TRIM56: variants seen among roughly 807,000 people sequenced by gnomAD.
TRIM56 encodes tripartite motif containing 56, also known as E3 ubiquitin-protein ligase TRIM56.
A neutral mutation model predicts 17.1 loss-of-function variants in TRIM56; 10 were observed. The observed-to-expected ratio is 0.58, with a 90% CI of 0.36 to 0.99. The LOEUF (loss-of-function observed/expected upper bound fraction) is 0.99. Ranked by LOEUF, TRIM56 falls within the 50% of genes least tolerant of loss-of-function variation. TRIM56 has a pLI of 0.01. For synonymous variants in TRIM56, 503 were observed against 473.5 expected, an observed-to-expected ratio of 1.06 and a Z score of -0.81; for missense variants, 923 against 1,052.3, an observed-to-expected ratio of 0.88 and a Z score of 1.70.
chr7:101,097,753 C>A lies in TRIM56; in HGVS notation c.*8173C>A, dbSNP rs1001841912. 5 of 152,202 alleles carry A rather than the reference C, an allele frequency of 3.3e-5. No individual in the cohort carries two copies. The highest frequency in any genetic ancestry group is 1.2e-4 in the African/African-American group (5 of 41,436). 9.4% of individuals were successfully genotyped at this position (152,202 alleles called of 1,614,324 possible). On this transcript the variant is annotated 3_prime_UTR_variant, in exon 3 of 3. Transcript: ENST00000306085. ...GGTCAAAGACGAGGAATCAGGACGT[C>A]GGTGCCTAGTGACTGAGCGCCAGCC...
In TRIM56 at chr7:101,094,562, A is replaced by C. The variant is rs1795628286; in HGVS notation, c.*4982A>C. On this transcript the variant is annotated 3_prime_UTR_variant, in exon 3 of 3. Coordinates refer to ENST00000306085, the MANE Select transcript of TRIM56 (RefSeq NM_030961.3). ...GAATGAGATTGTCCTATGAAAGAAG[A>C]GGCAGGAGCCAGGGAGGAGGATCCC... 6.6e-6 allele frequency: 1 copy of C among 152,168 alleles called. No homozygotes were observed. The highest frequency in any genetic ancestry group is 1.5e-5 in the Non-Finnish European group (1 of 68,036). 9.4% of individuals were successfully genotyped at this position (152,168 alleles called of 1,614,324 possible).
rs1217801491 is a variant in TRIM56 at position 101,097,635 on chromosome 7, G to A, written c.*8055G>A. On this transcript the variant is annotated 3_prime_UTR_variant, in exon 3 of 3. Coordinates refer to ENST00000306085, the MANE Select transcript of TRIM56 (RefSeq NM_030961.3). Reference sequence around the variant, plus strand: ...AGGGACCAGATGGAAGAGGGCCTGTGTATAAAGACATTAGGAAGGAGGTTT... The same window carrying A: ...AGGGACCAGATGGAAGAGGGCCTGTATATAAAGACATTAGGAAGGAGGTTT... 1.5e-5 allele frequency: 2 copies of A among 137,896 alleles called. No homozygotes were observed. Among genetic ancestry groups the A allele is most frequent in the East Asian group, 4.1e-4 (2 of 4,844 alleles). 8.5% of individuals were successfully genotyped at this position (137,896 alleles called of 1,614,324 possible). A position where few individuals can be genotyped will look rare whatever the true frequency, so the allele number is the denominator to read the frequency against.
At position 101,088,713 on chromosome 7, in the gene TRIM56, C is replaced by T. The variant is rs762056135; in HGVS notation, c.1401C>T (p.Leu467=). 2.0e-5 allele frequency: 32 copies of T among 1,613,920 alleles called. No homozygotes were observed. The highest frequency in any genetic ancestry group is 2.5e-5 in the Non-Finnish European group (30 of 1,179,980). The stretch of plus-strand genomic sequence containing the variant: ...AGAAGAAAAAGTTCAAAGGCAGGCT[C>T]AAGTCAATTTCCCGGGAGCCCAGCC... The part of the protein sequence containing the change: ...PNKKKKFKGR[L]KSISREPSPA... The change falls in exon 3 of 3, where the codon CTC becomes CTT. Residue 467 remains leucine (L), a synonymous_variant. Coordinates refer to ENST00000306085, the MANE Select transcript of TRIM56 (RefSeq NM_030961.3).
intron 2 of TRIM56, 69 bp from the exon 3 acceptor site, chr7:101,087,243 C>A: frequency 2.1e-6 from 3 of 1,418,274 alleles, no homozygotes; most frequent in South Asian, 2.6e-5. Context: ...TGAGGACGGG[C>A]GGTAGAAGCT....
In TRIM56 at chr7:101,088,470, C is replaced by G. The variant is rs771631027; in HGVS notation, c.1158C>G (p.Thr386=). The G allele has an allele frequency of 1.2e-6, 2 of 1,613,630 alleles. No individual in the cohort carries two copies. The highest frequency in any genetic ancestry group is 2.7e-5 in the African/African-American group (2 of 74,876). Residue 386 remains threonine (T), a synonymous_variant, in exon 3 of 3, where the codon ACC becomes ACG. Transcript: ENST00000306085. ...QKDGGKDGAG[T]QGGEESQSRR... ...ATGGTGGGAAAGACGGAGCTGGTAC[C>G]CAGGGAGGTGAGGAGAGCCAGAGCC...
chr7:101,089,787 AG>A lies in TRIM56; in HGVS notation c.*209del, dbSNP rs1795532364. On this transcript the variant is annotated 3_prime_UTR_variant, in exon 3 of 3. Coordinates refer to ENST00000306085, the MANE Select transcript of TRIM56 (RefSeq NM_030961.3). ...GCGTGACCTTAACTCTCAGAAGCAG[AG>A]GAGGCAGGTGGGTGGAGGGGGATGC... 1 of 521,180 alleles carries A rather than the reference AG, an allele frequency of 1.9e-6. No individual in the cohort carries two copies. The highest frequency in any genetic ancestry group is 3.5e-6 in the Non-Finnish European group (1 of 288,926). 32.3% of individuals were successfully genotyped at this position (521,180 alleles called of 1,614,324 possible).
Position 101,089,702 on chromosome 7 carries a change from C to G in TRIM56, c.*122C>G. 1.1e-6 allele frequency: 1 copy of G among 900,804 alleles called. No individual in the cohort carries two copies. Among genetic ancestry groups the G allele is most frequent in the East Asian group, 2.7e-5 (1 of 37,434 alleles). 55.8% of individuals were successfully genotyped at this position (900,804 alleles called of 1,614,324 possible). A position where few individuals can be genotyped will look rare whatever the true frequency, so the allele number is the denominator to read the frequency against. ...AGGGCAGGGGTTGGCAACTTTTCAA[C>G]ATGGAGTGCCAAACTGCTAACCCGT... On this transcript the variant is annotated 3_prime_UTR_variant, in exon 3 of 3. Transcript: ENST00000306085.
In TRIM56 at chr7:101,089,223, G is replaced by A; in HGVS notation, c.1911G>A (p.Leu637=). The A allele has an allele frequency of 3.1e-6, 5 of 1,613,780 alleles. No homozygotes were observed. Among genetic ancestry groups the A allele is most frequent in the Non-Finnish European group, 4.2e-6 (5 of 1,179,774 alleles). ...AGGCCAGCCGGGGCCTGCGGGCGCT[G>A]GTGTTTCTGACCACCAGCCCCCAGG... ...GGKASRGLRA[L]VFLTTSPQGH... The change falls in exon 3 of 3, where the codon CTG becomes CTA. Residue 637 remains leucine, a synonymous_variant. Transcript: ENST00000306085.
rs765700076 is a variant in TRIM56 at position 101,089,117 on chromosome 7, G to T, written c.1805G>T (p.Arg602Leu). 6.2e-7 allele frequency: 1 copy of T among 1,605,388 alleles called. No homozygotes were observed. The highest frequency in any genetic ancestry group is 8.5e-7 in the Non-Finnish European group (1 of 1,178,016). The change falls in exon 3 of 3, where the codon CGC becomes CTC. Residue 602 changes from arginine to leucine, a missense_variant. Transcript: ENST00000306085. ...HAVAALPSGDRVAVSVAGHVE... is the reference protein window; with the variant it reads ...HAVAALPSGDLVAVSVAGHVE... Reference sequence around the variant, plus strand: ...GTGGCGGCACTGCCTAGCGGGGACCGCGTGGCTGTCAGCGTGGCGGGCCAC... The same window carrying T: ...GTGGCGGCACTGCCTAGCGGGGACCTCGTGGCTGTCAGCGTGGCGGGCCAC...
Position 101,088,203 on chromosome 7 carries a change from C to T in TRIM56, c.891C>T (p.Gly297=), listed in dbSNP as rs945770789. ...AARERLAELE[G]REQVARAAAA... ...GGGAGAGGCTGGCGGAGCTTGAGGG[C>T]CGGGAGCAGGTGGCCAGGGCCGCAG... The change falls in exon 3 of 3, where the codon GGC becomes GGT. Residue 297 remains glycine, a synonymous_variant. Coordinates refer to ENST00000306085, the MANE Select transcript of TRIM56 (RefSeq NM_030961.3). 1 of 1,472,998 alleles carries T rather than the reference C, an allele frequency of 6.8e-7. No homozygotes were observed. Among genetic ancestry groups the T allele is most frequent in the African/African-American group, 1.4e-5 (1 of 71,142 alleles). 91.2% of individuals were successfully genotyped at this position (1,472,998 alleles called of 1,614,324 possible).
At position 101,091,857 on chromosome 7, in the gene TRIM56, G is replaced by T. The variant is rs1284398483; in HGVS notation, c.*2277G>T. On this transcript the variant is annotated 3_prime_UTR_variant, in exon 3 of 3. Coordinates refer to ENST00000306085, the MANE Select transcript of TRIM56 (RefSeq NM_030961.3). ...TGCCGAGCCGAAGCTGGACTGTACT[G>T]CTGCCATCTCGGCTCACTGCAACCT... 1 of 357,798 alleles carries T rather than the reference G, an allele frequency of 2.8e-6. No individual in the cohort carries two copies. The highest frequency in any genetic ancestry group is 8.7e-5 in the East Asian group (1 of 11,496). The allele number at this position is 357,798 out of a possible 1,614,324, so 22.2% of individuals were successfully genotyped here. A position where few individuals can be genotyped will look rare whatever the true frequency, so the allele number is the denominator to read the frequency against.
rs1050649955 is a variant in TRIM56 at position 101,097,192 on chromosome 7, C to G, written c.*7612C>G. On this transcript the variant is annotated 3_prime_UTR_variant, in exon 3 of 3. Coordinates refer to ENST00000306085, the MANE Select transcript of TRIM56 (RefSeq NM_030961.3). ...GATGAGGTTGCTGACCTGAGCTGGG[C>G]AGGGTTGAACAGGCGAGTGCCAAGA... The G allele has an allele frequency of 6.6e-6, 1 of 152,180 alleles. No individual in the cohort carries two copies. Among genetic ancestry groups the G allele is most frequent in the African/African-American group, 2.4e-5 (1 of 41,440 alleles). 9.4% of individuals were successfully genotyped at this position (152,180 alleles called of 1,614,324 possible).
rs1795475427 is a variant in TRIM56, at chr7:101,087,691, T to C, written c.379T>C (p.Leu127=). ...TARCLDCADD[L]CQACADGHRC... ...CCGGTGCCTGGACTGTGCCGATGAC[T>C]TGTGCCAGGCCTGTGCCGACGGGCA... The change falls in exon 3 of 3, where the codon TTG becomes CTG. Residue 127 remains leucine (L), a synonymous_variant. Transcript: ENST00000306085. 6.3e-7 allele frequency: 1 copy of C among 1,592,474 alleles called. No individual in the cohort carries two copies. The highest frequency in any genetic ancestry group is 8.5e-7 in the Non-Finnish European group (1 of 1,170,418).
Position 101,091,564 on chromosome 7 carries a change from T to C in TRIM56, c.*1984T>C. 5.8e-6 allele frequency: 2 copies of C among 343,288 alleles called. No individual in the cohort carries two copies. The highest frequency in any genetic ancestry group is 2.2e-5 in the South Asian group (1 of 45,976). The allele number at this position is 343,288 out of a possible 1,614,324, so 21.3% of individuals were successfully genotyped here. A position where few individuals can be genotyped will look rare whatever the true frequency, so the allele number is the denominator to read the frequency against. On this transcript the variant is annotated 3_prime_UTR_variant, in exon 3 of 3. Coordinates refer to ENST00000306085, the MANE Select transcript of TRIM56 (RefSeq NM_030961.3). ...CAACATGGAGAAACCCCATCTCTAC[T>C]AAAAATACAAAAATTAGCTAGGCGT... is the stretch of plus-strand genomic sequence containing the variant.
rs760838176 is a variant in TRIM56, at chr7:101,089,411, A to G, written c.2099A>G (p.Asn700Ser). Residue 700 changes from asparagine (N) to serine (S), a missense_variant, in exon 3 of 3, where the codon AAC (asparagine) becomes AGC (serine). Asn to Ser is a conservative substitution (Grantham distance 46). Around this residue, in one of 3 missense-constraint regions of TRIM56, gnomAD observed 182 missense variants for 243.1 expected, o/e 0.75. Coordinates refer to ENST00000306085, the MANE Select transcript of TRIM56 (RefSeq NM_030961.3). ...ATCTTTCTGACCCTTCGAGAAGTCA[A>G]CAAGGTGGTGATCCTGGACCCGAAG... ...GYIFLTLREV[N>S]KVVILDPKGS... The G allele has an allele frequency of 6.2e-7, 1 of 1,614,154 alleles. No homozygotes were observed. Among genetic ancestry groups the G allele is most frequent in the South Asian group, 1.1e-5 (1 of 91,084 alleles).
rs1431314106 is a variant in TRIM56 at position 101,093,506 on chromosome 7, G to C, written c.*3926G>C. The C allele has an allele frequency of 6.7e-6, 1 of 149,436 alleles. No individual in the cohort carries two copies. Among genetic ancestry groups the C allele is most frequent in the Non-Finnish European group, 1.5e-5 (1 of 67,574 alleles). 9.3% of individuals were successfully genotyped at this position (149,436 alleles called of 1,614,324 possible). A position where few individuals can be genotyped will look rare whatever the true frequency, so the allele number is the denominator to read the frequency against. On this transcript the variant is annotated 3_prime_UTR_variant, in exon 3 of 3. Coordinates refer to ENST00000306085, the MANE Select transcript of TRIM56 (RefSeq NM_030961.3). ...AGGAAATGTATGCAGGCAAGGACTAGTAAAATAAAAAATAATAATAATTAA... is the reference window on the plus strand; with the variant it reads ...AGGAAATGTATGCAGGCAAGGACTACTAAAATAAAAAATAATAATAATTAA...
Position 101,088,935 on chromosome 7 carries a change from G to A in TRIM56, c.1623G>A (p.Lys541=). The A allele has an allele frequency of 6.2e-7, 1 of 1,613,612 alleles. No homozygotes were observed. Among genetic ancestry groups the A allele is most frequent in the Non-Finnish European group, 8.5e-7 (1 of 1,180,020 alleles). Residue 541 remains lysine (K), a synonymous_variant, in exon 3 of 3, where the codon AAG becomes AAA. Transcript: ENST00000306085. Reference sequence around the variant, plus strand: ...GCTTCTCCCTCAACGGCGACTACAAGGGCACCGTGCCGGTCCCTGAGGGCT... The same window carrying A: ...GCTTCTCCCTCAACGGCGACTACAAAGGCACCGTGCCGGTCCCTGAGGGCT... The part of the protein sequence containing the change: ...LKRFSLNGDY[K]GTVPVPEGCS...
At position 101,097,112 on chromosome 7, in the gene TRIM56, A is replaced by G. The variant is rs1795663500; in HGVS notation, c.*7532A>G. The G allele has an allele frequency of 6.6e-6, 1 of 152,248 alleles. No homozygotes were observed. The highest frequency in any genetic ancestry group is 6.5e-5 in the Admixed American group (1 of 15,282). The allele number at this position is 152,248 out of a possible 1,614,324, so 9.4% of individuals were successfully genotyped here. A position where few individuals can be genotyped will look rare whatever the true frequency, so the allele number is the denominator to read the frequency against. On this transcript the variant is annotated 3_prime_UTR_variant, in exon 3 of 3. Transcript: ENST00000306085. ...TGCCATATTCTAAATCTGCAGAAAT[A>G]AAATTCTAAGGGGCGAAAGTCCAAG...
chr7:101,089,116 CG>C lies in TRIM56; in HGVS notation c.1805del (p.Arg602ProfsTer39). The part of the protein sequence containing the change: ...HAVAALPSGD[R>X]VAVSVAGHVE... ...GGTGGCGGCACTGCCTAGCGGGGACCGCGTGGCTGTCAGCGTGGCGGGCCAC... is the reference window on the plus strand; with the variant it reads ...GGTGGCGGCACTGCCTAGCGGGGACCCGTGGCTGTCAGCGTGGCGGGCCAC... On this transcript the variant is annotated frameshift_variant, in exon 3 of 3. Coordinates refer to ENST00000306085, the MANE Select transcript of TRIM56 (RefSeq NM_030961.3). LOFTEE classifies it high-confidence loss of function. The C allele has an allele frequency of 6.2e-7, 1 of 1,605,164 alleles. No individual in the cohort carries two copies. Among genetic ancestry groups the C allele is most frequent in the South Asian group, 1.1e-5 (1 of 90,878 alleles).
Sources: allele counts gnomAD v4.1 joint callset, GRCh38; gene constraint gnomAD v4.1.1; regional missense constraint gnomAD v4.1.1; transcripts MANE v1.5; gene names NCBI Gene and HGNC (gene_info 2026-07-23, HGNC 2026-07-21).